GLIS3: variants seen among roughly 807,000 people sequenced by gnomAD.
The protein encoded by GLIS3 is zinc finger protein GLIS3.
GLIS3 carries 53 observed loss-of-function variants against 78.6 expected under a neutral mutation model. The ratio of observed to expected loss-of-function variants is 0.67; its 90% CI spans 0.54 to 0.85. GLIS3 has a LOEUF of 0.85. Ranked by LOEUF, GLIS3 falls within the 40% of genes least tolerant of loss-of-function variation. GLIS3 has a pLI of 0.00. For synonymous variants in GLIS3, 684 were observed against 509.9 expected, an observed-to-expected ratio of 1.34 and a Z score of -4.60; for missense variants, 1,703 against 1,231.1, an observed-to-expected ratio of 1.38 and a Z score of -5.74.
At chr9:3,874,060 C>G (rs1013841386) in intron 8 of GLIS3, among the ~76,000 whole-genome samples, 11 of 152,212 alleles carry the variant, frequency 7.2e-5, no homozygotes, top group African/African-American at 2.7e-4. Context: ...GTGATAGTGT[C>G]TTTTTGTATG....
At chr9:4,221,046 G>A (rs1383112281) in intron 2 of GLIS3, among the ~76,000 whole-genome samples, 1 of 151,988 alleles carries the variant, frequency 6.6e-6, no homozygotes, top group Non-Finnish European at 1.5e-5. Context: ...AAAGGAAAGG[G>A]AAAAATAGAG....
chr9:3,872,108 G>GT (rs1563798491), intron 8 of GLIS3, among the ~76,000 whole-genome samples: 1 of 152,088 alleles, frequency 6.6e-6, no homozygotes, highest in Non-Finnish European at 1.5e-5. Context: ...TTGCTAAAAC[G>GT]TAACAAGAGT....
intron 2 of GLIS3, among the ~76,000 whole-genome samples, chr9:4,252,738 T>G (rs976840159): frequency 6.6e-6 from 1 of 152,218 alleles, no homozygotes; most frequent in Admixed American, 6.5e-5. Flanking sequence ...TTCCCTCATC[T>G]TCGTGGATTT....
At chr9:4,053,640 A>G (rs878942087) in intron 4 of GLIS3, among the ~76,000 whole-genome samples, 8 of 150,016 alleles carry the variant, frequency 5.3e-5, no homozygotes, top group Non-Finnish European at 8.9e-5. Context: ...AAGGCTAAAA[A>G]AAAAAAAAAG....
Position 4,118,301 on chromosome 9 carries a change from C to G in GLIS3, c.1177G>C (p.Glu393Gln), listed in dbSNP as rs778230145. 1.9e-6 allele frequency: 3 copies of G among 1,578,946 alleles called. No individual in the cohort carries two copies. Among genetic ancestry groups the G allele is most frequent in the Non-Finnish European group, 2.6e-6 (3 of 1,164,444 alleles). The change falls in exon 4 of 11, where the codon GAG becomes CAG. Residue 393 changes from glutamate (E) to glutamine (Q), a missense_variant. Physicochemically the swap from Glu to Gln is conservative, Grantham distance 29. Transcript: ENST00000381971. The surrounding 1 kb of genome is among the most constrained non-coding windows in gnomAD (Gnocchi z 4.7). Reference sequence around the variant, plus strand: ...CCGTGCTCCAGCTGTTGCATGCGCTCGTGCTCCAGGGCCCCGTCCTCGCCG... The same window carrying G: ...CCGTGCTCCAGCTGTTGCATGCGCTGGTGCTCCAGGGCCCCGTCCTCGCCG... Reference protein sequence around the residue: ...AYGEDGALEHERMQQLEHGGL... With the variant: ...AYGEDGALEHQRMQQLEHGGL...
chr9:3,832,096 G>T (rs1158273689), intron 9 of GLIS3, among the ~76,000 whole-genome samples: 1 of 151,424 alleles, frequency 6.6e-6, no homozygotes, highest in African/African-American at 2.4e-5. Flanking sequence ...TGGTGCCTCA[G>T]TTTTCCAATT....
At chr9:4,055,608 A>T (rs920385235) in intron 4 of GLIS3, among the ~76,000 whole-genome samples, 2 of 152,228 alleles carry the variant, frequency 1.3e-5, no homozygotes, top group Admixed American at 1.3e-4. Context: ...TGAAATGTGA[A>T]GCAAATATGT....
chr9:4,001,706 T>C (rs1428827798), intron 4 of GLIS3, among the ~76,000 whole-genome samples: 3 of 152,236 alleles, frequency 2.0e-5, no homozygotes, highest in Admixed American at 1.3e-4. Context: ...ATATCTGCCA[T>C]TTATGAATAT....
chr9:4,007,434 C>T (rs989853249), intron 4 of GLIS3, among the ~76,000 whole-genome samples: 1 of 152,070 alleles, frequency 6.6e-6, no homozygotes, highest in Non-Finnish European at 1.5e-5. Context: ...CAGATACATC[C>T]CTCTTTCTGA....
At chr9:4,366,748 A>G in the GLIS3 span, among the ~76,000 whole-genome samples, 1 of 152,258 alleles carries the variant, frequency 6.6e-6, no homozygotes, top group African/African-American at 2.4e-5. Flanking sequence ...AGTTCTGGAC[A>G]TATGGTTGGG....
At chr9:4,306,264 G>GA (rs974526073) in intron 4 of GLIS3, among the ~76,000 whole-genome samples, 1 of 151,444 alleles carries the variant, frequency 6.6e-6, no homozygotes, top group Non-Finnish European at 1.5e-5. Context: ...TAGAGGCAGG[G>GA]GGGTCTCGCT....
intron 2 of GLIS3, among the ~76,000 whole-genome samples, chr9:4,324,958 G>A (rs1817580600): frequency 6.6e-6 from 1 of 152,214 alleles, no homozygotes; most frequent in Non-Finnish European, 1.5e-5. Flanking sequence ...CTTACTGTGT[G>A]CTAGGTAATA....
the GLIS3 span, among the ~76,000 whole-genome samples, chr9:4,363,014 A>T: frequency 1.3e-5 from 2 of 152,070 alleles, no homozygotes; most frequent in African/African-American, 4.8e-5. Context: ...GAGAGGAGAG[A>T]AGTGAACACT....
chr9:4,305,465 G>A (rs988610173), intron 4 of GLIS3: 1 of 152,246 alleles, frequency 6.6e-6, no homozygotes, highest in Non-Finnish European at 1.5e-5. Context: ...AAGGAGCCCA[G>A]CCCAAGAGCT....
At chr9:4,173,333 T>C (rs538555395) in intron 2 of GLIS3, among the ~76,000 whole-genome samples, 1 of 152,178 alleles carries the variant, frequency 6.6e-6, no homozygotes, top group African/African-American at 2.4e-5. Context: ...GTGGCAAATA[T>C]GTTTTCTCCT....
At chr9:4,068,748 C>G (rs1161292689) in intron 4 of GLIS3, among the ~76,000 whole-genome samples, 1 of 151,900 alleles carries the variant, frequency 6.6e-6, no homozygotes, top group Non-Finnish European at 1.5e-5. Context: ...GTGAAAACCT[C>G]GAAAAAGAGC....
intron 2 of GLIS3, among the ~76,000 whole-genome samples, chr9:4,193,559 G>T (rs1321254227): frequency 6.6e-6 from 1 of 152,244 alleles, no homozygotes; most frequent in Non-Finnish European, 1.5e-5. Context: ...AACTAGGTTA[G>T]TGGTAACAGG....
At chr9:3,906,017 G>A (rs1406004011) in intron 6 of GLIS3, among the ~76,000 whole-genome samples, 1 of 152,192 alleles carries the variant, frequency 6.6e-6, no homozygotes, top group Non-Finnish European at 1.5e-5. Flanking sequence ...AAGATATGGA[G>A]AAAGGCATGA....
At chr9:4,106,584 C>T (rs1384210518) in intron 4 of GLIS3, among the ~76,000 whole-genome samples, 1 of 152,194 alleles carries the variant, frequency 6.6e-6, no homozygotes, top group Non-Finnish European at 1.5e-5. Context: ...CATAGAGGCA[C>T]ATTGTCATTT....
Sources: gnomAD v4.1 joint callset for allele counts (sites outside exome capture counted in the v4.1 genomes callset) on GRCh38, gnomAD v4.1.1 for gene constraint, Gnocchi (gnomAD v3.1) non-coding constraint, MANE v1.5 for transcripts, NCBI Gene and HGNC (gene_info 2026-07-23, HGNC 2026-07-21) for gene names.